The following IDH1 variants were observed in gnomAD, a reference collection of about 807,000 sequenced individuals.
IDH1 encodes the protein isocitrate dehydrogenase (NADP(+)) 1, also known as isocitrate dehydrogenase [NADP] cytoplasmic.
Under a neutral mutation model 46.1 loss-of-function variants are expected in IDH1, and 33 were observed. The observed-to-expected ratio is 0.72, with a 90% CI of 0.54 to 0.96. The LOEUF is 0.96. IDH1 is among the 40% of genes least tolerant of loss of function. The pLI is 0.00. For synonymous variants in IDH1, 144 were observed against 172.8 expected, an observed-to-expected ratio of 0.83 and a Z score of 1.31; for missense variants, 421 against 515.7, an observed-to-expected ratio of 0.82 and a Z score of 1.78.
At chr2:208,249,525 A>G (rs1228413815) in intron 3 of IDH1, among the ~76,000 whole-genome samples, 1 of 152,266 alleles carries the variant, frequency 6.6e-6, no homozygotes, top group African/African-American at 2.4e-5. Context: ...TTAGTTGTCC[A>G]GGGAGCATAG....
At chr2:208,245,542 A>ATT in intron 4 of IDH1, 118 bp from the exon 5 acceptor site, 1 of 390,386 alleles carries the variant, frequency 2.6e-6, no homozygotes, top group South Asian at 2.5e-5. Context: ...AGTATGTCAA[A>ATT]CTTCTTTTTT....
chr2:208,247,026 C>T (rs1240744701), intron 4 of IDH1, among the ~76,000 whole-genome samples: 2 of 152,120 alleles, frequency 1.3e-5, no homozygotes, highest in African/African-American at 4.8e-5. Context: ...ACAAGATTAG[C>T]GAGTTTGCAC....
At chr2:208,237,708 C>G (rs1261894312) in intron 9 of IDH1, among the ~76,000 whole-genome samples, 1 of 145,898 alleles carries the variant, frequency 6.9e-6, no homozygotes, top group African/African-American at 2.5e-5. Flanking sequence ...ATCATGAGGT[C>G]AGGAGATGGA....
rs768596300 is a variant in IDH1, at chr2:208,239,158, G to A, written c.1067C>T (p.Ala356Val). ...AATAGAGACTTCTTCCAAAGCATTT[G>A]CAAAGAAGGCAAGCTCTTTATTGTT... is the stretch of plus-strand genomic sequence containing the variant. Reference protein sequence around the residue: ...LDNNKELAFFANALEEVSIET... With the variant: ...LDNNKELAFFVNALEEVSIET... The change falls in exon 9 of 10, where the codon GCA becomes GTA. Residue 356 changes from alanine (A) to valine (V), a missense_variant. Physicochemically the swap from Ala to Val is moderately conservative, Grantham distance 64. Coordinates refer to ENST00000345146, the MANE Select transcript of IDH1 (RefSeq NM_005896.4). The A allele has an allele frequency of 1.2e-6, 2 of 1,613,968 alleles. No individual in the cohort carries two copies. Among genetic ancestry groups the A allele is most frequent in the East Asian group, 4.5e-5 (2 of 44,882 alleles).
intron 9 of IDH1, among the ~76,000 whole-genome samples, chr2:208,238,003 G>A (rs1687846096): frequency 6.6e-6 from 1 of 151,532 alleles, no homozygotes; most frequent in Non-Finnish European, 1.5e-5. Context: ...GGCTACAAAG[G>A]TATTCCACTG....
At chr2:208,239,715 G>A (rs1342572415) in intron 8 of IDH1, 148 bp downstream of exon 8, 1 of 780,564 alleles carries the variant, frequency 1.3e-6, no homozygotes, top group African/African-American at 1.7e-5. Flanking sequence ...TATATTTTAA[G>A]AAGCATATTC....
chr2:208,244,681 T>G (rs1687983750), intron 5 of IDH1, among the ~76,000 whole-genome samples: 1 of 152,198 alleles, frequency 6.6e-6, no homozygotes, highest in Non-Finnish European at 1.5e-5. Context: ...CAACAGATAT[T>G]ATTTGGAAGA....
chr2:208,239,927 G>T lies in IDH1; in HGVS notation c.927C>A (p.His309Gln), dbSNP rs772297042. 6.2e-7 allele frequency: 1 copy of T among 1,614,082 alleles called. No homozygotes were observed. Among genetic ancestry groups the T allele is most frequent in the Admixed American group, 1.7e-5 (1 of 60,020 alleles). Residue 309 changes from histidine (H) to glutamine (Q), a missense_variant, in exon 8 of 10, where the codon CAC (histidine) becomes CAA (glutamine). By Grantham distance (24) the His-to-Gln change is conservative (BLOSUM62 0). Transcript: ENST00000345146. ...DGKTVEAEAAHGTVTRHYRMY... is the reference protein window; with the variant it reads ...DGKTVEAEAAQGTVTRHYRMY... ...TGCGGTAGTGACGGGTTACAGTCCC[G>T]TGGGCAGCCTCTGCTTCTACTGTCT...
chr2:208,251,640 T>C (rs544049717), intron 2 of IDH1, 73 bp from the exon 3 acceptor site: 1 of 1,261,822 alleles, frequency 7.9e-7, no homozygotes, highest in East Asian at 2.3e-5. Context: ...CAACGTAGTG[T>C]TTATATAAAC....
intron 2 of IDH1, among the ~76,000 whole-genome samples, chr2:208,252,232 T>G (rs1185895489): frequency 6.6e-6 from 1 of 152,178 alleles, no homozygotes; most frequent in African/African-American, 2.4e-5. Context: ...ATTGGAGATG[T>G]GGGGCTAAAT....
At chr2:208,251,729 T>C (rs1379800905) in intron 2 of IDH1, among the ~76,000 whole-genome samples, 162 bp from the exon 3 acceptor site, 1 of 152,218 alleles carries the variant, frequency 6.6e-6, no homozygotes, top group Non-Finnish European at 1.5e-5. Flanking sequence ...ACAGCAATTC[T>C]ATTTACCATT....
chr2:208,251,624 T>C, intron 2 of IDH1, 57 bp from the exon 3 acceptor site: 1 of 1,414,484 alleles, frequency 7.1e-7, no homozygotes, highest in Admixed American at 1.7e-5. Context: ...AAGTGAAATA[T>C]ATAAACAACG....
chr2:208,245,322 C>T lies in IDH1; in HGVS notation c.517G>A (p.Glu173Lys). ...CTTATGCTACAGTCATACATACCTT[C>T]AAAGTTATGTACCAGGTATGTCACC... ...QKVTYLVHNFEEGGGVAMGMY... is the reference protein window; with the variant it reads ...QKVTYLVHNFKEGGGVAMGMY... Residue 173 changes from glutamate to lysine, a missense_variant, in exon 5 of 10, where the codon GAA becomes AAA. By Grantham distance (56) the Glu-to-Lys change is moderately conservative (BLOSUM62 1). Coordinates refer to ENST00000345146, the MANE Select transcript of IDH1 (RefSeq NM_005896.4). 1.3e-6 allele frequency: 2 copies of T among 1,516,672 alleles called. No homozygotes were observed. The highest frequency in any genetic ancestry group is 1.8e-6 in the Non-Finnish European group (2 of 1,092,556). The allele number at this position is 1,516,672 out of a possible 1,614,324, so 94.0% of individuals were successfully genotyped here. A position where few individuals can be genotyped will look rare whatever the true frequency, so the allele number is the denominator to read the frequency against.
chr2:208,242,930 A>G (rs1459873174), intron 6 of IDH1, among the ~76,000 whole-genome samples: 4 of 151,950 alleles, frequency 2.6e-5, no homozygotes, highest in African/African-American at 9.7e-5. Context: ...ACGCCCGGCT[A>G]ATTTTTGGTA....
At chr2:208,251,289 G>A (rs549901317) in intron 3 of IDH1, 141 bp downstream of exon 3, 12 of 688,526 alleles carry the variant, frequency 1.7e-5, no homozygotes, top group African/African-American at 1.6e-4. Context: ...TCACTCTGTT[G>A]CCCAGGCTGG....
rs1687870569 is a variant in IDH1, at chr2:208,239,121, C to T, written c.1104G>A (p.Glu368=). The T allele has an allele frequency of 6.2e-7, 1 of 1,613,966 alleles. No individual in the cohort carries two copies. The highest frequency in any genetic ancestry group is 8.5e-7 in the Non-Finnish European group (1 of 1,179,910). ...CCAAGTCCTTGGTCATGAAGCCAGC[C>T]TCAATTGTCTCAATAGAGACTTCTT... ...ALEEVSIETI[E]AGFMTKDLAA... Residue 368 remains glutamate (E), a synonymous_variant, in exon 9 of 10, where the codon GAG becomes GAA. Transcript: ENST00000345146.
At chr2:208,242,220 AACAGAAG>A in intron 6 of IDH1, 75 bp from the exon 7 acceptor site, 2 of 1,360,958 alleles carry the variant, frequency 1.5e-6, no homozygotes, top group Non-Finnish European at 2.1e-6. Context: ...GCTTGTCCCA[AACAGAAG>A]ACCGGACACA....
At chr2:208,237,682 G>A (rs988420647) in intron 9 of IDH1, among the ~76,000 whole-genome samples, 5 of 151,700 alleles carry the variant, frequency 3.3e-5, no homozygotes, top group Admixed American at 6.6e-5. Context: ...GCACTTTGGG[G>A]GGCCAAGGCG....
At chr2:208,250,397 T>C (rs973836169) in intron 3 of IDH1, among the ~76,000 whole-genome samples, 3 of 152,258 alleles carry the variant, frequency 2.0e-5, no homozygotes, top group East Asian at 1.9e-4. Flanking sequence ...GATTTCAATA[T>C]AGACATCAGC....
Sources: gnomAD v4.1 joint callset for allele counts (sites outside exome capture counted in the v4.1 genomes callset) on GRCh38, gnomAD v4.1.1 for gene constraint, MANE v1.5 for transcripts, NCBI Gene and HGNC (gene_info 2026-07-23, HGNC 2026-07-21) for gene names.